CBLN2: variants seen among roughly 807,000 people sequenced by gnomAD.
CBLN2 encodes the protein cerebellin-2.
Under a neutral mutation model 15.0 loss-of-function variants are expected in CBLN2, and 7 were observed. The observed-to-expected ratio is 0.47, with a 90% confidence interval of 0.27 to 0.88. The LOEUF (loss-of-function observed/expected upper bound fraction) is 0.88, where lower values mean the gene tolerates loss of function less well. Among genes scored for constraint, CBLN2 ranks in the 40% least tolerant of loss-of-function variants. The pLI, the probability that CBLN2 is intolerant of heterozygous loss-of-function variation, is 0.14. For missense variants in CBLN2, 242 were observed against 304.5 expected (o/e 0.79, Z 1.53); for synonymous variants, 149 against 135.2 (o/e 1.10, Z -0.71).
intron 1 of CBLN2, among the ~76,000 whole-genome samples, chr18:72,633,765 G>T (rs1178520926): frequency 1.3e-5 from 2 of 152,052 alleles, no homozygotes; most frequent in Admixed American, 6.6e-5. Flanking sequence ...GATTTAAACT[G>T]CAAATTGAAT....
intron 1 of CBLN2, among the ~76,000 whole-genome samples, chr18:72,560,176 G>C (rs1292651597): frequency 6.6e-6 from 1 of 152,192 alleles, no homozygotes; most frequent in Admixed American, 6.5e-5. Context: ...AGATCCAGCT[G>C]CTCCTGCCCC....
rs77501815 is a variant in CBLN2 at position 72,542,514 on chromosome 18, C to A, written c.-166-188G>T. ...AGAAACGCCCGGGCGCAGCTGGCAG[C>A]GCATCCCTGAAGGCTCCCGAGCAGC... On this transcript the variant is annotated intron_variant, in intron 2 of 4. Transcript: ENST00000269503. 0.051 allele frequency among the ~76,000 whole-genome samples: 7,713 copies of A among 151,942 alleles called. 883 individuals carry two copies. In the East Asian group the frequency reaches 0.54, roughly 11 times the overall value.
At chr18:72,574,932 G>C (rs894959819) in intron 1 of CBLN2, among the ~76,000 whole-genome samples, 1 of 152,170 alleles carries the variant, frequency 6.6e-6, no homozygotes, top group Non-Finnish European at 1.5e-5. Flanking sequence ...TGCAAGCAAC[G>C]CTTGTGGATT....
At chr18:72,594,364 G>A (rs2069499581) in intron 1 of CBLN2, among the ~76,000 whole-genome samples, 1 of 151,626 alleles carries the variant, frequency 6.6e-6, no homozygotes, top group Non-Finnish European at 1.5e-5. Flanking sequence ...TCTTTTTAAT[G>A]TTTTGTTGAA....
chr18:72,547,543 T>TA (rs1447808894), upstream of CBLN2, among the ~76,000 whole-genome samples: 1 of 152,164 alleles, frequency 6.6e-6, no homozygotes, highest in Non-Finnish European at 1.5e-5. Flanking sequence ...TTCTAATTTT[T>TA]ATTTATTTTT....
At position 72,541,828 on chromosome 18, in the gene CBLN2, G is replaced by A; in HGVS notation, c.333C>T (p.Arg111=). 1 of 1,586,024 alleles carries A rather than the reference G, an allele frequency of 6.3e-7. No individual in the cohort carries two copies. The highest frequency in any genetic ancestry group is 8.6e-7 in the Non-Finnish European group (1 of 1,168,840). Reference sequence around the variant, plus strand: ...CCTGGTCGAAATAGATGGTCATGGTGCGGTTGCTCATCTCGGACGGCTCGT... The same window carrying A: ...CCTGGTCGAAATAGATGGTCATGGTACGGTTGCTCATCTCGGACGGCTCGT... ...TNHEPSEMSN[R]TMTIYFDQVL... is the part of the protein sequence containing the mutation. The change falls in exon 3 of 5, where the codon CGC becomes CGT. Residue 111 remains arginine (R), a synonymous_variant. Transcript: ENST00000269503.
intron 1 of CBLN2, among the ~76,000 whole-genome samples, chr18:72,562,977 A>C (rs191237629): frequency 9.2e-5 from 14 of 152,378 alleles, no homozygotes; most frequent in African/African-American, 3.4e-4. Flanking sequence ...GAGGTGCTCA[A>C]ATAGTGGAAG....
At chr18:72,577,157 A>C (rs773621536) in intron 1 of CBLN2, among the ~76,000 whole-genome samples, 2 of 150,620 alleles carry the variant, frequency 1.3e-5, no homozygotes, top group Non-Finnish European at 3.0e-5. Flanking sequence ...TTTAAAATGC[A>C]GTTTCAATAC....
chr18:72,546,819 G>A (rs1324867855), upstream of CBLN2, among the ~76,000 whole-genome samples: 1 of 152,148 alleles, frequency 6.6e-6, no homozygotes, highest in East Asian at 1.9e-4. Flanking sequence ...AAGGGAAGAC[G>A]CTGGGATAAT....
chr18:72,539,074 G>A (rs1451735268), intron 3 of CBLN2: 1 of 287,006 alleles, frequency 3.5e-6, no homozygotes, highest in African/African-American at 2.1e-5. Context: ...AGGGCAGAGA[G>A]AAAGGAATCG....
intron 1 of CBLN2, among the ~76,000 whole-genome samples, chr18:72,604,832 T>C (rs2069573062): frequency 1.3e-5 from 2 of 152,196 alleles, no homozygotes; most frequent in Non-Finnish European, 2.9e-5. Context: ...TCCATAACTA[T>C]AAGAAATAAA....
rs192696517 is a variant in CBLN2, at chr18:72,605,751, G to A, written c.15+32574C>T. On this transcript the variant is annotated intron_variant, in intron 1 of 2. Coordinates refer to the CBLN2 transcript ENST00000581073. Reference sequence around the variant, plus strand: ...CTAATATATAATTTTCCCTCCTTAGGAGAGTTACTACTAAGAAAATAAAAA... The same window carrying A: ...CTAATATATAATTTTCCCTCCTTAGAAGAGTTACTACTAAGAAAATAAAAA... Among the ~76,000 whole-genome samples, 262 of 152,284 alleles carry A rather than the reference G, an allele frequency of 1.7e-3. 2 individuals are homozygous for A. Among genetic ancestry groups the A allele is most frequent in the Non-Finnish European group, 5.1e-4 (35 of 68,030 alleles).
At chr18:72,626,647 C>A (rs1159491535) in intron 1 of CBLN2, among the ~76,000 whole-genome samples, 1 of 152,058 alleles carries the variant, frequency 6.6e-6, no homozygotes, top group African/African-American at 2.4e-5. Context: ...TAGCAGTGAG[C>A]CAAGATTGCA....
intron 1 of CBLN2, among the ~76,000 whole-genome samples, chr18:72,555,281 TCA>T (rs2069218877): frequency 6.6e-6 from 1 of 152,212 alleles, no homozygotes; most frequent in South Asian, 2.1e-4. Flanking sequence ...GTCAGAGATC[TCA>T]GAGTGCATGC....
intron 1 of CBLN2, among the ~76,000 whole-genome samples, chr18:72,566,834 T>C (rs922244959): frequency 1.3e-5 from 2 of 152,202 alleles, no homozygotes; most frequent in East Asian, 3.9e-4. Flanking sequence ...ATTATTATTA[T>C]TATTATTACT....
intron 1 of CBLN2, among the ~76,000 whole-genome samples, chr18:72,610,531 C>T (rs1435165956): frequency 6.6e-6 from 1 of 152,070 alleles, no homozygotes; most frequent in African/African-American, 2.4e-5. Flanking sequence ...TTGGAATGTA[C>T]ACTACATGAG....
At chr18:72,622,632 T>C (rs1371961185) in intron 1 of CBLN2, among the ~76,000 whole-genome samples, 1 of 152,170 alleles carries the variant, frequency 6.6e-6, no homozygotes, top group Non-Finnish European at 1.5e-5. Context: ...AACATAAGAA[T>C]GCCTGTGTGG....
intron 1 of CBLN2, among the ~76,000 whole-genome samples, chr18:72,615,462 G>T (rs543164688): frequency 2.7e-4 from 41 of 151,332 alleles, no homozygotes; most frequent in Non-Finnish European, 5.2e-4. Flanking sequence ...TTTTAGTAGA[G>T]AAGGGGTTTC....
At chr18:72,544,805 G>A (rs925172264), upstream of CBLN2, among the ~76,000 whole-genome samples, 2 of 151,958 alleles carry the variant, frequency 1.3e-5, no homozygotes, top group Non-Finnish European at 2.9e-5. Flanking sequence ...GTTATCATCG[G>A]TTATTATCGT....
Sources: gnomAD v4.1 joint callset for allele counts (sites outside exome capture counted in the v4.1 genomes callset) on GRCh38, gnomAD v4.1.1 for gene constraint, MANE v1.5 for transcripts, NCBI Gene and HGNC (gene_info 2026-07-23, HGNC 2026-07-21) for gene names.